Variants in SLF1 observed in about 807,000 individuals in gnomAD.
The protein encoded by SLF1 is SMC5-SMC6 complex localization factor protein 1.
In SLF1, 105 loss-of-function variants were observed where a neutral mutation model predicts 123.0. The ratio of observed to expected loss-of-function variants is 0.85; its 90% CI spans 0.73 to 1.00. The LOEUF (loss-of-function observed/expected upper bound fraction) is 1.00. Among genes scored for constraint, SLF1 ranks in the 50% least tolerant of loss-of-function variants. SLF1 has a pLI of 0.00. For missense variants in SLF1, 1,239 were observed against 1,223.0 expected (o/e 1.01, Z -0.20); for synonymous variants, 434 against 406.6 (o/e 1.07, Z -0.81).
At chr5:94,641,549 C>G (rs927201135) in intron 4 of SLF1, among the ~76,000 whole-genome samples, 1 of 152,138 alleles carries the variant, frequency 6.6e-6, no homozygotes, top group Non-Finnish European at 1.5e-5. Flanking sequence ...GCAGTGGGCT[C>G]CAGTTTCTTT....
chr5:94,633,782 T>G (rs181971848), intron 4 of SLF1, among the ~76,000 whole-genome samples: 5 of 152,360 alleles, frequency 3.3e-5, no homozygotes, highest in Admixed American at 2.0e-4. Context: ...AATTGAAATT[T>G]AAATTCTCAT....
intron 6 of SLF1, among the ~76,000 whole-genome samples, chr5:94,650,693 A>G (rs1480042175): frequency 6.6e-6 from 1 of 152,184 alleles, no homozygotes; most frequent in Non-Finnish European, 1.5e-5. Flanking sequence ...TTCCAAACTT[A>G]AAATATTTTT....
chr5:94,687,968 T>G (rs1196922234), intron 16 of SLF1, among the ~76,000 whole-genome samples: 2 of 149,326 alleles, frequency 1.3e-5, no homozygotes, highest in East Asian at 3.9e-4. Flanking sequence ...TTAATAATAA[T>G]TATTTATTAT....
At chr5:94,648,421 ATTG>A (rs769885264) in intron 5 of SLF1, among the ~76,000 whole-genome samples, 2 of 152,094 alleles carry the variant, frequency 1.3e-5, no homozygotes, top group Non-Finnish European at 2.9e-5. Context: ...TTTTTTTATA[ATTG>A]TTCCCTAGGA....
In SLF1 at chr5:94,643,259, A is replaced by G. The variant is rs1257270056; in HGVS notation, c.432-14A>G. 10 of 1,500,646 alleles carry G rather than the reference A, an allele frequency of 6.7e-6. No homozygotes were observed. Among genetic ancestry groups the G allele is most frequent in the Non-Finnish European group, 8.0e-6 (9 of 1,119,806 alleles). The allele number at this position is 1,500,646 out of a possible 1,614,324, so 93.0% of individuals were successfully genotyped here. A position where few individuals can be genotyped will look rare whatever the true frequency, so the allele number is the denominator to read the frequency against. On this transcript the variant is annotated splice_polypyrimidine_tract_variant and intron_variant, in intron 4 of 20. Coordinates refer to ENST00000265140, the MANE Select transcript of SLF1 (RefSeq NM_032290.4). ...ATTTTCTAATACTTTTATACCATTT[A>G]CATTTTTATTTAGAGTTTTGGAGGC... is the stretch of plus-strand genomic sequence containing the variant.
intron 9 of SLF1, among the ~76,000 whole-genome samples, chr5:94,661,122 T>C (rs1364638518): frequency 6.6e-6 from 1 of 152,136 alleles, no homozygotes; most frequent in Non-Finnish European, 1.5e-5. Context: ...GCCAGCAGAT[T>C]ATGTGGGACT....
chr5:94,685,356 T>C (rs77018963), intron 15 of SLF1, among the ~76,000 whole-genome samples: 6,449 of 152,298 alleles, frequency 0.042, 264 homozygotes, highest in East Asian at 0.21. Context: ...CTGTATTGAC[T>C]TATTCTTTAT....
rs1035227701 is a variant in SLF1 at position 94,630,756 on chromosome 5, T to C, written c.431+13T>C. ...ATTCTCTTATAAGGTAGGATGTGAT[T>C]ACATAAAAGCTAAAGCAATTAATGA... On this transcript the variant is annotated intron_variant, in intron 4 of 20. Transcript: ENST00000265140. The C allele has an allele frequency of 3.9e-6, 6 of 1,538,090 alleles. No individual in the cohort carries two copies. In the African/African-American group the frequency reaches 8.3e-5, roughly 21 times the overall value.
At chr5:94,685,165 A>G (rs1664313500) in intron 15 of SLF1, among the ~76,000 whole-genome samples, 2 of 152,226 alleles carry the variant, frequency 1.3e-5, no homozygotes, top group Admixed American at 1.3e-4. Context: ...TGAGCAGGAC[A>G]TTGACTGGGT....
At chr5:94,691,800 G>A in intron 19 of SLF1, 144 bp downstream of exon 19, 3 of 700,820 alleles carry the variant, frequency 4.3e-6, no homozygotes, top group Non-Finnish European at 6.5e-6. Flanking sequence ...GCAAAGCCAA[G>A]AAATTTCTCA....
intron 9 of SLF1, among the ~76,000 whole-genome samples, chr5:94,655,899 A>G (rs1326694544): frequency 6.6e-6 from 1 of 151,736 alleles, no homozygotes; most frequent in Non-Finnish European, 1.5e-5. Context: ...GTCTCCAGAG[A>G]GGGACAATTT....
rs1020782378 is a variant in SLF1 at position 94,695,457 on chromosome 5, T to A, written c.*145T>A. On this transcript the variant is annotated 3_prime_UTR_variant, in exon 21 of 21. Coordinates refer to ENST00000265140, the MANE Select transcript of SLF1 (RefSeq NM_032290.4). ...CCTTGCTAAATTTTAAAAGCATTTT[T>A]AAAAAAACTTCTACAAAACTCTAGT... 1.2e-5 allele frequency: 12 copies of A among 1,034,808 alleles called. No individual in the cohort carries two copies. In the African/African-American group the frequency reaches 1.8e-4, roughly 16 times the overall value. The allele number at this position is 1,034,808 out of a possible 1,614,324, so 64.1% of individuals were successfully genotyped here.
At chr5:94,638,625 A>C (rs1224308482) in intron 4 of SLF1, among the ~76,000 whole-genome samples, 1 of 152,182 alleles carries the variant, frequency 6.6e-6, no homozygotes, top group Non-Finnish European at 1.5e-5. Context: ...CTCTTTGCCC[A>C]CAATAGTAAC....
At chr5:94,675,161 C>G (rs1024461621) in intron 14 of SLF1, among the ~76,000 whole-genome samples, 1 of 152,174 alleles carries the variant, frequency 6.6e-6, no homozygotes, top group Non-Finnish European at 1.5e-5. Context: ...GGCCAAGATG[C>G]TAGTTTGTTC....
Position 94,662,181 on chromosome 5 carries a change from A to G in SLF1, c.1156-117A>G, listed in dbSNP as rs146240744. ...AGTAAATATGAGTATCATATTAATT[A>G]TAGCTATTAATGTGTTCCTGGATCT... On this transcript the variant is annotated intron_variant, in intron 9 of 20. Coordinates refer to ENST00000265140, the MANE Select transcript of SLF1 (RefSeq NM_032290.4). 5.1e-5 allele frequency: 34 copies of G among 671,820 alleles called. No homozygotes were observed. The East Asian group carries it at 1.0e-3, about 20-fold the overall frequency. 41.6% of individuals were successfully genotyped at this position (671,820 alleles called of 1,614,324 possible).
chr5:94,684,843 A>G (rs1012539437), intron 15 of SLF1, among the ~76,000 whole-genome samples: 2 of 152,020 alleles, frequency 1.3e-5, no homozygotes, highest in African/African-American at 4.8e-5. Context: ...AGGTTTAAAC[A>G]CTCCTTATGA....
chr5:94,621,907 T>C (rs200483666), intron 1 of SLF1, among the ~76,000 whole-genome samples: 123 of 136,220 alleles, frequency 9.0e-4, no homozygotes, highest in African/African-American at 2.9e-3. Flanking sequence ...CACACACACA[T>C]ACACACGTGC....
chr5:94,623,788 T>A (rs939825961), intron 1 of SLF1, among the ~76,000 whole-genome samples: 2 of 152,112 alleles, frequency 1.3e-5, no homozygotes, highest in Non-Finnish European at 2.9e-5. Flanking sequence ...CATTAACATA[T>A]CAGGTTTATT....
Position 94,670,100 on chromosome 5 carries a change from G to T in SLF1, c.1533-51G>T. 5 of 1,473,278 alleles carry T rather than the reference G, an allele frequency of 3.4e-6. No homozygotes were observed. In the South Asian group the frequency reaches 5.5e-5, roughly 16 times the overall value. 91.3% of individuals were successfully genotyped at this position (1,473,278 alleles called of 1,614,324 possible). A position where few individuals can be genotyped will look rare whatever the true frequency, so the allele number is the denominator to read the frequency against. On this transcript the variant is annotated intron_variant, in intron 12 of 20. Coordinates refer to ENST00000265140, the MANE Select transcript of SLF1 (RefSeq NM_032290.4). ...AAGGAGAAATATTTTGTTCACAAAT[G>T]ACTTAGTGAATTGCTTGTATGTTAT...
Sources: gnomAD v4.1 joint callset for allele counts (sites outside exome capture counted in the v4.1 genomes callset) on GRCh38, gnomAD v4.1.1 for gene constraint, MANE v1.5 for transcripts, NCBI Gene and HGNC (gene_info 2026-07-23, HGNC 2026-07-21) for gene names.